PXYLP1: variants seen among roughly 807,000 people sequenced by gnomAD.
The protein encoded by PXYLP1 is 2-phosphoxylose phosphatase 1.
In PXYLP1, 17 loss-of-function variants were observed where a neutral mutation model predicts 37.9. The observed-to-expected ratio is 0.45, with a 90% confidence interval of 0.31 to 0.67. The LOEUF is 0.67. PXYLP1 is among the 30% of genes least tolerant of loss of function. PXYLP1 has a pLI of 0.07. For synonymous variants in PXYLP1, 221 were observed against 232.2 expected (o/e 0.95, Z 0.44); for missense variants, 511 against 612.0 (o/e 0.84, Z 1.74).
At chr3:141,262,258 C>T in intron 2 of PXYLP1, 1 of 989,830 alleles carries the variant, frequency 1.0e-6, no homozygotes, top group South Asian at 4.7e-5. Context: ...GAAAAGAGGT[C>T]AAAAGAAGGT....
chr3:141,266,415 C>T (rs1354053481), intron 2 of PXYLP1, among the ~76,000 whole-genome samples: 2 of 152,104 alleles, frequency 1.3e-5, no homozygotes, highest in Non-Finnish European at 2.9e-5. Context: ...TAGTCCCTGT[C>T]AGCTTCTGAA....
At chr3:141,279,714 G>A (rs1319936842) in intron 4 of PXYLP1, among the ~76,000 whole-genome samples, 2 of 152,192 alleles carry the variant, frequency 1.3e-5, no homozygotes, top group African/African-American at 4.8e-5. Flanking sequence ...GATATACTGA[G>A]CCCAGGCCAG....
chr3:141,253,179 G>C (rs1167948812), intron 1 of PXYLP1, among the ~76,000 whole-genome samples: 1 of 152,196 alleles, frequency 6.6e-6, no homozygotes, highest in Non-Finnish European at 1.5e-5. Context: ...GAATCAGTGA[G>C]TGTGTTTTCT....
intron 2 of PXYLP1, among the ~76,000 whole-genome samples, chr3:141,272,008 C>T (rs1440907884): frequency 6.6e-6 from 1 of 152,184 alleles, no homozygotes; most frequent in African/African-American, 2.4e-5. Context: ...AAGTCAGTTT[C>T]AAGGCACCTG....
At chr3:141,266,734 T>C (rs1223018110) in intron 2 of PXYLP1, among the ~76,000 whole-genome samples, 2 of 148,852 alleles carry the variant, frequency 1.3e-5, no homozygotes, top group African/African-American at 5.0e-5. Flanking sequence ...AGGGAAAGAG[T>C]GTGCATGTGT....
chr3:141,293,334 A>C lies in PXYLP1; in HGVS notation c.*129A>C. 5 of 990,336 alleles carry C rather than the reference A, an allele frequency of 5.0e-6. No homozygotes were observed. The highest frequency in any genetic ancestry group is 5.8e-6 in the Non-Finnish European group (4 of 691,636). 61.3% of individuals were successfully genotyped at this position (990,336 alleles called of 1,614,324 possible). On this transcript the variant is annotated 3_prime_UTR_variant, in exon 6 of 6. Transcript: ENST00000286353. ...TAAAGGCTAAATATTGTTTGTGGGA[A>C]CCACAGATGGTTGGGGTTGAACAGT...
intron 5 of PXYLP1, among the ~76,000 whole-genome samples, chr3:141,289,377 G>A (rs1567559): frequency 1.3e-5 from 2 of 151,820 alleles, no homozygotes; most frequent in Non-Finnish European, 1.5e-5. Context: ...ACAGAGACAC[G>A]TGTCCCTTCT....
At chr3:141,249,570 A>G (rs1234456070) in intron 1 of PXYLP1, among the ~76,000 whole-genome samples, 1 of 149,596 alleles carries the variant, frequency 6.7e-6, no homozygotes, top group Non-Finnish European at 1.5e-5. Context: ...TGCCTGTTTA[A>G]TCCTCTCGTG....
At chr3:141,242,872 G>C in intron 1 of PXYLP1, among the ~76,000 whole-genome samples, 1 of 152,188 alleles carries the variant, frequency 6.6e-6, no homozygotes, top group Admixed American at 6.5e-5. Context: ...CATGAGGGCA[G>C]GAATTTGGGG....
At chr3:141,278,840 G>A (rs920231126) in intron 3 of PXYLP1, among the ~76,000 whole-genome samples, 2 of 152,226 alleles carry the variant, frequency 1.3e-5, no homozygotes, top group African/African-American at 4.8e-5. Context: ...AGCACATTGA[G>A]ACACTCTGCT....
rs1396768612 is a variant in PXYLP1 at position 141,274,511 on chromosome 3, G to C, written c.80-3831G>C. The C allele has an allele frequency of 2.0e-6, 3 of 1,505,836 alleles. No homozygotes were observed. The African/African-American group carries it at 4.1e-5, about 21-fold the overall frequency. 93.3% of individuals were successfully genotyped at this position (1,505,836 alleles called of 1,614,324 possible). On this transcript the variant is annotated intron_variant, in intron 2 of 5. Coordinates refer to ENST00000286353, the MANE Select transcript of PXYLP1 (RefSeq NM_001037172.3). ...GCTAGGTGTCTCCTCTGGGAAGCCT[G>C]TTTGGATGCCCCTCACCCCAGACTG...
chr3:141,255,859 G>T (rs927617149), intron 1 of PXYLP1, among the ~76,000 whole-genome samples: 1 of 152,208 alleles, frequency 6.6e-6, no homozygotes, highest in African/African-American at 2.4e-5. Flanking sequence ...GAGCCAGTTG[G>T]CTGGTACCTC....
chr3:141,238,931 G>A (rs1940723935), intron 1 of PXYLP1, among the ~76,000 whole-genome samples: 1 of 152,114 alleles, frequency 6.6e-6, no homozygotes, highest in Non-Finnish European at 1.5e-5. Flanking sequence ...AGGAGGAAGA[G>A]GAGGGGTTGG....
intron 2 of PXYLP1, chr3:141,262,266 G>T (rs1211860887): frequency 1.0e-6 from 1 of 991,232 alleles, no homozygotes; most frequent in African/African-American, 1.7e-5. Context: ...GTCAAAAGAA[G>T]GTGGGCATCA....
At chr3:141,284,006 G>A (rs1182792283) in intron 4 of PXYLP1, among the ~76,000 whole-genome samples, 1 of 151,980 alleles carries the variant, frequency 6.6e-6, no homozygotes, top group African/African-American at 2.4e-5. Context: ...GATTTTCAAT[G>A]AGCCCACAAT....
intron 2 of PXYLP1, among the ~76,000 whole-genome samples, chr3:141,268,550 C>G (rs561310940): frequency 6.6e-6 from 1 of 152,288 alleles, no homozygotes; most frequent in East Asian, 1.9e-4. Context: ...GGAGGAAGCC[C>G]ACCTTGAAAT....
chr3:141,260,185 C>G lies in PXYLP1; in HGVS notation c.10C>G (p.Arg4Gly), dbSNP rs781734946. ...AATAGAATACTTAATAATGCTTTTC[C>G]GCAACCGCTTCTTGCTGCTGCTGGC... MLF[R>G]NRFLLLLALA... The change falls in exon 2 of 6, where the codon CGC becomes GGC. Residue 4 changes from arginine (R) to glycine (G), a missense_variant. By Grantham distance (125) the Arg-to-Gly change is moderately radical. Transcript: ENST00000286353. The G allele has an allele frequency of 1.2e-6, 2 of 1,613,872 alleles. No individual in the cohort carries two copies.
intron 1 of PXYLP1, among the ~76,000 whole-genome samples, chr3:141,236,684 G>A (rs1038607653): frequency 6.6e-6 from 1 of 152,152 alleles, no homozygotes; most frequent in Non-Finnish European, 1.5e-5. Flanking sequence ...TTTGTTCTCT[G>A]CAGACATAGG....
intron 1 of PXYLP1, among the ~76,000 whole-genome samples, chr3:141,256,126 G>T (rs920270328): frequency 3.9e-5 from 6 of 152,180 alleles, no homozygotes; most frequent in Non-Finnish European, 8.8e-5. Context: ...GGAAAAGGGC[G>T]ACTCCTTGTG....
Sources: allele counts gnomAD v4.1 joint callset (sites outside exome capture counted in the v4.1 genomes callset), GRCh38; gene constraint gnomAD v4.1.1; transcripts MANE v1.5; gene names NCBI Gene and HGNC (gene_info 2026-07-23, HGNC 2026-07-21).